Variants in RALYL observed in about 807,000 individuals in gnomAD.
The protein encoded by RALYL is RNA-binding Raly-like protein.
Under a neutral mutation model 35.1 loss-of-function variants are expected in RALYL, and 29 were observed. The ratio of observed to expected loss-of-function variants is 0.83; its 90% CI spans 0.61 to 1.13. The LOEUF is 1.13. Ranked by LOEUF, RALYL falls within the 50% of genes most tolerant of loss-of-function variation. The probability of loss-of-function intolerance (pLI) is 0.00; values close to 1 mark genes in which losing one functional copy is unlikely to be tolerated. For synonymous variants in RALYL, 120 were observed against 127.6 expected (o/e 0.94, Z 0.40); for missense variants, 359 against 360.4 (o/e 1.00, Z 0.03).
At chr8:84,788,987 T>C (rs530422380) in intron 3 of RALYL, among the ~76,000 whole-genome samples, 1 of 152,306 alleles carries the variant, frequency 6.6e-6, no homozygotes, top group South Asian at 2.1e-4. Context: ...AACTGCCCCC[T>C]GGTATTTAAA....
At chr8:84,656,302 A>G (rs1829947659) in intron 2 of RALYL, among the ~76,000 whole-genome samples, 1 of 152,240 alleles carries the variant, frequency 6.6e-6, no homozygotes, top group Admixed American at 6.6e-5. Flanking sequence ...CCTTTGATTG[A>G]CAAGTATTGA....
chr8:84,744,074 A>G (rs907299173), intron 2 of RALYL, among the ~76,000 whole-genome samples: 2 of 152,030 alleles, frequency 1.3e-5, no homozygotes, highest in East Asian at 1.9e-4. Flanking sequence ...TACACTTAAA[A>G]TGGTTAAAGT....
At chr8:84,756,751 G>A (rs1811508278) in intron 2 of RALYL, among the ~76,000 whole-genome samples, 1 of 151,084 alleles carries the variant, frequency 6.6e-6, no homozygotes, top group Non-Finnish European at 1.5e-5. Context: ...TGAGGCAAAA[G>A]CATTATAAAA....
chr8:84,538,791 G>A (rs547107365), intron 2 of RALYL, among the ~76,000 whole-genome samples: 64 of 152,254 alleles, frequency 4.2e-4, no homozygotes, highest in Middle Eastern at 3.4e-3. Context: ...CAGTTGTGGA[G>A]TAAAATGTTC....
At chr8:84,318,910 T>C (rs1844287888) in intron 1 of RALYL, among the ~76,000 whole-genome samples, 1 of 152,202 alleles carries the variant, frequency 6.6e-6, no homozygotes, top group Admixed American at 6.5e-5. Flanking sequence ...ATAAAAGTCT[T>C]ACAGGCTTTA....
chr8:84,862,390 A>G lies in RALYL; in HGVS notation c.508A>G (p.Lys170Glu), dbSNP rs1586828244. The G allele has an allele frequency of 6.2e-7, 1 of 1,607,164 alleles. No individual in the cohort carries two copies. Among genetic ancestry groups the G allele is most frequent in the Non-Finnish European group, 8.5e-7 (1 of 1,177,178 alleles). Residue 170 changes from lysine (K) to glutamate (E), a missense_variant, in exon 6 of 9, where the codon AAA (lysine) becomes GAA (glutamate). Transcript: ENST00000521268. Reference protein sequence around the residue: ...RVAVTTTRRGKGVFSMKGGSR... With the variant: ...RVAVTTTRRGEGVFSMKGGSR... ...GGCAGTCACAACGACTCGCAGGGGG[A>G]AAGGAGTCTTTTCCATGAAAGGTGG...
chr8:84,844,961 C>A (rs1834295134), intron 4 of RALYL, among the ~76,000 whole-genome samples: 1 of 151,614 alleles, frequency 6.6e-6, no homozygotes, highest in African/African-American at 2.4e-5. Context: ...CACACCAGGG[C>A]CTGTTGTGGG....
In RALYL at chr8:84,920,578, C is replaced by G. The variant is rs934429252; in HGVS notation, c.859-316C>G. On this transcript the variant is annotated intron_variant, in intron 8 of 8. Transcript: ENST00000521268. ...ATTCACGAGTAATTGAAATCTCTTTCCCTAGTCTAGAACTTTAAGTGGTTC... is the reference window on the plus strand; with the variant it reads ...ATTCACGAGTAATTGAAATCTCTTTGCCTAGTCTAGAACTTTAAGTGGTTC... 7.9e-5 allele frequency among the ~76,000 whole-genome samples: 12 copies of G among 152,108 alleles called. No individual in the cohort carries two copies. In the South Asian group the frequency reaches 2.5e-3, roughly 32 times the overall value.
At chr8:84,895,409 T>A (rs1844583265) in intron 8 of RALYL, among the ~76,000 whole-genome samples, 1 of 151,952 alleles carries the variant, frequency 6.6e-6, no homozygotes, top group Non-Finnish European at 1.5e-5. Flanking sequence ...AGCATTTGTA[T>A]CCTCTTATAT....
At chr8:84,793,400 G>C (rs1821243691) in intron 3 of RALYL, among the ~76,000 whole-genome samples, 1 of 152,146 alleles carries the variant, frequency 6.6e-6, no homozygotes, top group African/African-American at 2.4e-5. Flanking sequence ...GCTCTTCAAA[G>C]TTCATGTTAA....
At position 84,433,125 on chromosome 8, in the gene RALYL, C is replaced by T. The variant is rs367667581; in HGVS notation, c.-23-96174C>T. 1.2e-4 allele frequency among the ~76,000 whole-genome samples: 19 copies of T among 152,228 alleles called. No homozygotes were observed. The East Asian group carries it at 2.5e-3, about 20-fold the overall frequency. On this transcript the variant is annotated intron_variant, in intron 1 of 8. Transcript: ENST00000521268. The stretch of plus-strand genomic sequence containing the variant: ...GCTTATGGGAAACTTTTAAAAACAT[C>T]AAACACTTCCTGTGTGTAATTTGCT...
At chr8:84,340,413 A>G (rs1848593724) in intron 1 of RALYL, among the ~76,000 whole-genome samples, 1 of 152,112 alleles carries the variant, frequency 6.6e-6, no homozygotes, top group African/African-American at 2.4e-5. Context: ...CTGAAACACC[A>G]TATCCATTGA....
intron 2 of RALYL, among the ~76,000 whole-genome samples, chr8:84,537,756 AAGTT>A (rs1319474027): frequency 6.6e-6 from 1 of 152,192 alleles, no homozygotes; most frequent in Non-Finnish European, 1.5e-5. Flanking sequence ...TCCTTCAAGG[AAGTT>A]AGATAGTAGA....
intron 1 of RALYL, among the ~76,000 whole-genome samples, chr8:84,378,941 G>A (rs769495673): frequency 6.6e-6 from 1 of 151,924 alleles, no homozygotes; most frequent in Admixed American, 6.6e-5. Flanking sequence ...CTCCTTTACA[G>A]TGAACCATAC....
At chr8:84,494,542 A>G (rs1361374061) in intron 1 of RALYL, among the ~76,000 whole-genome samples, 1 of 152,068 alleles carries the variant, frequency 6.6e-6, no homozygotes, top group Non-Finnish European at 1.5e-5. Flanking sequence ...TGAGGATGGA[A>G]TGGTTTTCCA....
intron 1 of RALYL, among the ~76,000 whole-genome samples, chr8:84,281,699 G>C (rs912445899): frequency 6.6e-6 from 1 of 151,946 alleles, no homozygotes; most frequent in African/African-American, 2.4e-5. Flanking sequence ...AAGAAAAATT[G>C]TATGTGTATG....
chr8:84,581,007 A>G (rs1331319060), intron 2 of RALYL, among the ~76,000 whole-genome samples: 1 of 152,178 alleles, frequency 6.6e-6, no homozygotes, highest in African/African-American at 2.4e-5. Flanking sequence ...AAAGACAAGG[A>G]TGGCCAACTT....
At chr8:84,908,317 T>C (rs1846886923) in intron 8 of RALYL, among the ~76,000 whole-genome samples, 1 of 152,148 alleles carries the variant, frequency 6.6e-6, no homozygotes, top group South Asian at 2.1e-4. Context: ...TTACTCCTCC[T>C]CTCTAACTGA....
intron 2 of RALYL, among the ~76,000 whole-genome samples, chr8:84,539,871 T>G (rs1462496351): frequency 1.2e-4 from 2 of 16,480 alleles, no homozygotes; most frequent in African/African-American, 1.7e-4. Context: ...TATATATATA[T>G]ATATATGTAT....
Sources: gnomAD v4.1 joint callset for allele counts (sites outside exome capture counted in the v4.1 genomes callset) on GRCh38, gnomAD v4.1.1 for gene constraint, MANE v1.5 for transcripts, NCBI Gene and HGNC (gene_info 2026-07-23, HGNC 2026-07-21) for gene names.